Variants in PCDHA6 observed in about 807,000 individuals in gnomAD.
The protein encoded by PCDHA6 is protocadherin alpha 6, also known as protocadherin alpha-6.
Under a neutral mutation model 60.3 loss-of-function variants are expected in PCDHA6, and 55 were observed. That is an observed-to-expected ratio of 0.91 (90% CI 0.73 to 1.14). The LOEUF is 1.14. Ranked by LOEUF, PCDHA6 falls within the 50% of genes most tolerant of loss-of-function variation. The probability of loss-of-function intolerance (pLI) is 0.00; values close to 1 mark genes in which losing one functional copy is unlikely to be tolerated. For missense variants in PCDHA6, 1,327 were observed against 1,256.5 expected, an observed-to-expected ratio of 1.06 and a Z score of -0.85; for synonymous variants, 652 against 557.9, an observed-to-expected ratio of 1.17 and a Z score of -2.38.
Position 140,829,852 on chromosome 5 carries a change from A to G in PCDHA6, c.1761A>G (p.Ala587=). The part of the protein sequence containing the change: ...VSELVPRSLG[A]GQVVAKVRAV... ...AGCTGGTGCCGCGGTCACTGGGTGC[A>G]GGCCAAGTGGTGGCGAAGGTGCGCG... is the stretch of plus-strand genomic sequence containing the variant. The change falls in exon 1 of 4, where the codon GCA becomes GCG. Residue 587 remains alanine (A), a synonymous_variant. Coordinates refer to ENST00000529310, the MANE Select transcript of PCDHA6 (RefSeq NM_018909.4). 1.2e-6 allele frequency: 2 copies of G among 1,613,942 alleles called. No individual in the cohort carries two copies. Among genetic ancestry groups the G allele is most frequent in the Admixed American group, 1.7e-5 (1 of 60,006 alleles).
chr5:140,966,514 A>G (rs2096013065), intron 1 of PCDHA6: 1 of 434,820 alleles, frequency 2.3e-6, no homozygotes, highest in Non-Finnish European at 4.0e-6. Flanking sequence ...CAGCAGCAGC[A>G]GGAAGCCGAG....
At chr5:140,870,890 T>A in intron 1 of PCDHA6, 2 of 1,613,954 alleles carry the variant, frequency 1.2e-6, no homozygotes, top group East Asian at 4.5e-5. Flanking sequence ...GTGCGCGCAG[T>A]GGATGCGGAC....
chr5:140,945,909 TC>T (rs1440194990), intron 1 of PCDHA6, among the ~76,000 whole-genome samples: 3 of 151,962 alleles, frequency 2.0e-5, no homozygotes, highest in African/African-American at 7.2e-5. Context: ...AGATGAAAGA[TC>T]AATAACACTG....
chr5:140,983,901 AT>A (rs782712573), intron 3 of PCDHA6, among the ~76,000 whole-genome samples: 20 of 152,338 alleles, frequency 1.3e-4, no homozygotes, highest in Non-Finnish European at 2.6e-4. Context: ...GCATTCGTTG[AT>A]TCTAATCAGC....
At position 140,829,456 on chromosome 5, in the gene PCDHA6, C is replaced by A; in HGVS notation, c.1365C>A (p.Phe455Leu). 6.2e-7 allele frequency: 1 copy of A among 1,613,884 alleles called. No homozygotes were observed. Among genetic ancestry groups the A allele is most frequent in the Non-Finnish European group, 8.5e-7 (1 of 1,180,036 alleles). ...VADMNDNAPA[F>L]AQPEYTVFVK... ...ACATGAATGACAATGCTCCGGCGTTCGCGCAGCCCGAGTACACAGTGTTCG... is the reference window on the plus strand; with the variant it reads ...ACATGAATGACAATGCTCCGGCGTTAGCGCAGCCCGAGTACACAGTGTTCG... Residue 455 changes from phenylalanine (F) to leucine (L), a missense_variant, in exon 1 of 4, where the codon TTC (phenylalanine) becomes TTA (leucine). Transcript: ENST00000529310.
chr5:140,834,516 G>C (rs1433865569), intron 1 of PCDHA6: 40 of 1,613,992 alleles, frequency 2.5e-5, no homozygotes, highest in Non-Finnish European at 3.4e-5. Flanking sequence ...TGGCAACTTC[G>C]TGGGCCGCAT....
At chr5:140,924,096 T>A (rs1044149112) in intron 1 of PCDHA6, among the ~76,000 whole-genome samples, 1 of 152,222 alleles carries the variant, frequency 6.6e-6, no homozygotes, top group Non-Finnish European at 1.5e-5. Flanking sequence ...AAAGAATAAA[T>A]TTTCATTCCA....
chr5:140,922,989 G>A (rs2081104632), intron 1 of PCDHA6, among the ~76,000 whole-genome samples: 1 of 152,214 alleles, frequency 6.6e-6, no homozygotes, highest in Non-Finnish European at 1.5e-5. Context: ...CAATAGGCAA[G>A]CCATGAGAAT....
chr5:140,981,881 C>G (rs138571007), intron 2 of PCDHA6, among the ~76,000 whole-genome samples: 1 of 152,158 alleles, frequency 6.6e-6, no homozygotes, highest in Non-Finnish European at 1.5e-5. Context: ...CTGAATTAAT[C>G]TCTTCTGAGC....
At chr5:140,868,764 T>G (rs1202050223) in intron 1 of PCDHA6, 2 of 238,724 alleles carry the variant, frequency 8.4e-6, no homozygotes, top group Non-Finnish European at 1.6e-5. Flanking sequence ...ATATATTTAG[T>G]TTCAATATGA....
At chr5:140,927,558 T>C (rs1554204736) in intron 1 of PCDHA6, 1 of 1,614,144 alleles carries the variant, frequency 6.2e-7, no homozygotes, top group East Asian at 2.2e-5. Context: ...TCACCATCAT[T>C]GTGGTGGACA....
At chr5:140,867,166 G>T (rs773226125) in intron 1 of PCDHA6, 1 of 152,006 alleles carries the variant, frequency 6.6e-6, no homozygotes, top group Non-Finnish European at 1.5e-5. Context: ...ACCTTCTAAG[G>T]TTCATTTCCC....
At chr5:140,884,054 G>A (rs1313975286) in intron 1 of PCDHA6, 1 of 1,613,390 alleles carries the variant, frequency 6.2e-7, no homozygotes, top group Non-Finnish European at 8.5e-7. Flanking sequence ...GAAGGTGCGC[G>A]CGGTGGACGC....
At chr5:140,939,841 T>C (rs1269688667) in intron 1 of PCDHA6, among the ~76,000 whole-genome samples, 5 of 152,344 alleles carry the variant, frequency 3.3e-5, no homozygotes, top group Middle Eastern at 3.4e-3. Context: ...TGCTTGTTGT[T>C]GTGTTCTGTA....
At position 140,856,759 on chromosome 5, in the gene PCDHA6, C is replaced by A. The variant is rs148775418; in HGVS notation, c.2394+26274C>A. The stretch of plus-strand genomic sequence containing the variant: ...TCCTGGTGTTAGATGCCAATGATAA[C>A]GCCCCTATCTTTGACAGACCGGTTT... On this transcript the variant is annotated intron_variant, in intron 1 of 3. Transcript: ENST00000529310. 2.5e-6 allele frequency: 4 copies of A among 1,596,386 alleles called. 1 individual carries two copies. The highest frequency in any genetic ancestry group is 1.7e-4 in the Middle Eastern group (1 of 5,998).
chr5:141,000,361 GTCTCTCTCTC>G lies in PCDHA6; in HGVS notation c.2543-9240_2543-9231del, dbSNP rs148596731. Reference sequence around the variant, plus strand: ...CCTATCTCTCTCTCTGTCTCTCTCTGTCTCTCTCTCTCTCTCTCTCTCTCTCTCTCTCTCT... The same window carrying G: ...CCTATCTCTCTCTCTGTCTCTCTCTGTCTCTCTCTCTCTCTCTCTCTCTCT... On this transcript the variant is annotated intron_variant, in intron 3 of 3. Transcript: ENST00000529310. 0.019 allele frequency among the ~76,000 whole-genome samples: 511 copies of G among 26,396 alleles called. 13 individuals carry two copies. In the Middle Eastern group the frequency reaches 0.2, roughly 10 times the overall value. The allele number at this position is 26,396 out of a possible 152,430, so 17.3% of individuals were successfully genotyped here.
intron 3 of PCDHA6, among the ~76,000 whole-genome samples, chr5:140,998,057 A>G (rs2097795221): frequency 1.3e-5 from 2 of 152,294 alleles, no homozygotes; most frequent in South Asian, 4.1e-4. Flanking sequence ...TGACATCATC[A>G]TCAACAGACT....
chr5:140,857,779 T>C (rs2044890811), intron 1 of PCDHA6: 2 of 1,597,506 alleles, frequency 1.3e-6, no homozygotes, highest in Non-Finnish European at 8.6e-7. Context: ...GTGCAGTCAG[T>C]GAGCTGGTGC....
In PCDHA6 at chr5:140,850,297, C is replaced by T. The variant is rs2150478357; in HGVS notation, c.2394+19812C>T. The stretch of plus-strand genomic sequence containing the variant: ...AAGGTGCGCGCAGTGGACGCCGACT[C>T]GGGCTACAACGCGTGGCTTTCATAC... On this transcript the variant is annotated intron_variant, in intron 1 of 3. Coordinates refer to ENST00000529310, the MANE Select transcript of PCDHA6 (RefSeq NM_018909.4). The T allele has an allele frequency of 2.5e-6, 4 of 1,596,320 alleles. No homozygotes were observed. The Admixed American group carries it at 5.1e-5, about 20-fold the overall frequency.
Sources: allele counts gnomAD v4.1 joint callset (sites outside exome capture counted in the v4.1 genomes callset), GRCh38; gene constraint gnomAD v4.1.1; transcripts MANE v1.5; gene names NCBI Gene and HGNC (gene_info 2026-07-23, HGNC 2026-07-21).